Variants in HLCS observed in about 807,000 individuals in gnomAD.
HLCS encodes the protein holocarboxylase synthetase, also known as biotin--protein ligase.
In HLCS, 53 loss-of-function variants were observed where a neutral mutation model predicts 75.0. The observed-to-expected ratio is 0.71, with a 90% CI of 0.57 to 0.89. The LOEUF (loss-of-function observed/expected upper bound fraction) is 0.89. Among genes scored for constraint, HLCS ranks in the 40% least tolerant of loss-of-function variants. The probability of loss-of-function intolerance (pLI) is 0.00; values close to 1 mark genes in which losing one functional copy is unlikely to be tolerated. For missense variants in HLCS, 966 were observed against 1,074.0 expected, an observed-to-expected ratio of 0.90 and a Z score of 1.41; for synonymous variants, 431 against 428.6, an observed-to-expected ratio of 1.01 and a Z score of -0.07.
At chr21:36,890,757 T>C (rs978415548) in intron 6 of HLCS, among the ~76,000 whole-genome samples, 4 of 152,194 alleles carry the variant, frequency 2.6e-5, no homozygotes, top group African/African-American at 9.6e-5. Flanking sequence ...CTCCTAGATG[T>C]GTAAACACCT....
intron 6 of HLCS, among the ~76,000 whole-genome samples, chr21:36,840,349 A>G (rs974003770): frequency 6.6e-6 from 1 of 152,204 alleles, no homozygotes; most frequent in Admixed American, 6.5e-5. Flanking sequence ...TACTGCCTTC[A>G]TAACTATTGA....
chr21:36,866,878 T>C (rs2146211191), intron 6 of HLCS, among the ~76,000 whole-genome samples: 1 of 149,890 alleles, frequency 6.7e-6, no homozygotes, highest in Non-Finnish European at 1.5e-5. Context: ...CTCTACTGAA[T>C]CTATCCGATA....
rs2089902870 is a variant in HLCS at position 36,762,928 on chromosome 21, CCAAA to C, written c.2121+2080_2121+2083del. The stretch of plus-strand genomic sequence containing the variant: ...CAGAGCCATGAAAAAGCTAAACAGA[CCAAA>C]CAGACTCATTTAATGTTCTCGGCTT... On this transcript the variant is annotated intron_variant, in intron 8 of 10. Transcript: ENST00000674895. Among the ~76,000 whole-genome samples the C allele has an allele frequency of 3.3e-5, 5 of 152,330 alleles. No homozygotes were observed. In the South Asian group the frequency reaches 1.0e-3, roughly 32 times the overall value.
chr21:36,760,771 TCTCC>T (rs1267210364), intron 8 of HLCS, among the ~76,000 whole-genome samples: 1 of 152,090 alleles, frequency 6.6e-6, no homozygotes, highest in East Asian at 1.9e-4. Flanking sequence ...GTGGGGGGGC[TCTCC>T]CTGTCATCAG....
intron 1 of HLCS, among the ~76,000 whole-genome samples, chr21:36,987,597 A>C (rs2069251870): frequency 6.6e-6 from 1 of 152,196 alleles, no homozygotes; most frequent in Admixed American, 6.5e-5. Context: ...TGGGCAACAG[A>C]GCGAGACTCT....
chr21:36,969,354 A>C (rs1198111304), upstream of HLCS, among the ~76,000 whole-genome samples: 1 of 152,146 alleles, frequency 6.6e-6, no homozygotes, highest in African/African-American at 2.4e-5. Flanking sequence ...TCCTTAGAGC[A>C]GCAGCAGCAG....
At chr21:36,824,930 T>G (rs1211430551) in intron 6 of HLCS, among the ~76,000 whole-genome samples, 1 of 152,242 alleles carries the variant, frequency 6.6e-6, no homozygotes, top group Non-Finnish European at 1.5e-5. Context: ...AGGCAGTCAT[T>G]GGCATGCTTA....
intron 6 of HLCS, among the ~76,000 whole-genome samples, chr21:36,818,145 A>G (rs1402450584): frequency 1.3e-5 from 2 of 152,202 alleles, no homozygotes; most frequent in Admixed American, 6.5e-5. Context: ...TAGCCATTCA[A>G]TGAGAAGCTG....
intron 5 of HLCS, among the ~76,000 whole-genome samples, chr21:36,922,457 T>C (rs2066213067): frequency 6.6e-6 from 1 of 152,210 alleles, no homozygotes; most frequent in Admixed American, 6.5e-5. Flanking sequence ...AGTACCTGGA[T>C]AGCTGTGTGG....
chr21:36,892,073 G>GAACC (rs2064809144), intron 6 of HLCS, among the ~76,000 whole-genome samples: 1 of 152,172 alleles, frequency 6.6e-6, no homozygotes, highest in Admixed American at 6.5e-5. Context: ...TACTCACATG[G>GAACC]AACCAATCAG....
At position 36,947,414 on chromosome 21, in the gene HLCS, G is replaced by T. The variant is rs1045473986; in HGVS notation, c.331-8420C>A. On this transcript the variant is annotated intron_variant, in intron 2 of 10. Coordinates refer to ENST00000674895, the MANE Select transcript of HLCS (RefSeq NM_001352514.2). ...GCCTTCAAGCAGCGCTGGGTGCTCC[G>T]ATCAAAGCAGAACCGCGCTGTCACT... 3 of 985,250 alleles carry T rather than the reference G, an allele frequency of 3.0e-6. No homozygotes were observed. In the African/African-American group the frequency reaches 5.2e-5, roughly 17 times the overall value. 61.0% of individuals were successfully genotyped at this position (985,250 alleles called of 1,614,324 possible).
At chr21:36,839,671 G>A (rs2062549224) in intron 6 of HLCS, among the ~76,000 whole-genome samples, 1 of 152,158 alleles carries the variant, frequency 6.6e-6, no homozygotes, top group Non-Finnish European at 1.5e-5. Context: ...CATCCCAACA[G>A]TCAAAAAGTT....
chr21:36,864,975 A>T (rs1286255868), intron 6 of HLCS, among the ~76,000 whole-genome samples: 1 of 152,142 alleles, frequency 6.6e-6, no homozygotes, highest in African/African-American at 2.4e-5. Context: ...AGTGTTTTTT[A>T]AAATCTTGTC....
intron 2 of HLCS, among the ~76,000 whole-genome samples, chr21:36,940,406 G>C (rs892762743): frequency 7.2e-5 from 11 of 151,880 alleles, no homozygotes; most frequent in African/African-American, 2.7e-4. Flanking sequence ...TGAACTCCTG[G>C]CCTTGAGTAA....
chr21:36,757,673 G>A (rs1400767296), intron 9 of HLCS, among the ~76,000 whole-genome samples: 1 of 152,196 alleles, frequency 6.6e-6, no homozygotes, highest in African/African-American at 2.4e-5. Flanking sequence ...TTTCCAGTGT[G>A]AAGGGAAGGA....
At chr21:36,983,458 A>T (rs1886165060) in intron 1 of HLCS, among the ~76,000 whole-genome samples, 1 of 151,422 alleles carries the variant, frequency 6.6e-6, no homozygotes, top group Non-Finnish European at 1.5e-5. Flanking sequence ...TGACCCGCCC[A>T]CCTCGACCTC....
intron 6 of HLCS, among the ~76,000 whole-genome samples, chr21:36,827,471 G>A (rs1405619693): frequency 1.3e-5 from 2 of 151,680 alleles, no homozygotes; most frequent in African/African-American, 4.8e-5. Context: ...CTACTCGGGA[G>A]GCTGAGGCAG....
upstream of HLCS, chr21:36,968,831 T>A (rs908877340): frequency 2.6e-5 from 4 of 152,214 alleles, no homozygotes; most frequent in African/African-American, 9.6e-5. Context: ...ATCTCCTCTA[T>A]CTGAAGGTGA....
At chr21:36,760,615 A>C (rs1320841328) in intron 8 of HLCS, among the ~76,000 whole-genome samples, 1 of 152,056 alleles carries the variant, frequency 6.6e-6, no homozygotes, top group African/African-American at 2.4e-5. Context: ...GTCTCAAAAA[A>C]AAAAAAAAAA....
Sources: allele counts gnomAD v4.1 joint callset (sites outside exome capture counted in the v4.1 genomes callset), GRCh38; gene constraint gnomAD v4.1.1; transcripts MANE v1.5; gene names NCBI Gene and HGNC (gene_info 2026-07-23, HGNC 2026-07-21).